Variants in CPO observed in about 807,000 individuals in gnomAD.
CPO encodes metallocarboxypeptidase C.
CPO carries 43 observed loss-of-function variants against 41.2 expected under a neutral mutation model. The ratio of observed to expected loss-of-function variants is 1.04; its 90% CI spans 0.82 to 1.35. The LOEUF is 1.35. Ranked by LOEUF, CPO falls within the 40% of genes most tolerant of loss-of-function variation. CPO has a pLI of 0.00. For synonymous variants in CPO, 178 were observed against 162.7 expected, an observed-to-expected ratio of 1.09 and a Z score of -0.72; for missense variants, 408 against 451.7, an observed-to-expected ratio of 0.90 and a Z score of 0.88.
At chr2:206,961,497 C>G (rs555885634) in intron 6 of CPO, among the ~76,000 whole-genome samples, 1 of 152,000 alleles carries the variant, frequency 6.6e-6, no homozygotes, top group Admixed American at 6.6e-5. Context: ...TTTTCTTTTA[C>G]GTAAAATGTG....
intron 1 of CPO, among the ~76,000 whole-genome samples, chr2:206,944,803 G>A (rs1559068819): frequency 6.6e-6 from 1 of 151,924 alleles, no homozygotes; most frequent in South Asian, 2.1e-4. Context: ...TTCCATTCGA[G>A]TAGCTTAATG....
chr2:206,965,472 TAGAC>T (rs952782701), intron 7 of CPO, among the ~76,000 whole-genome samples: 2 of 152,348 alleles, frequency 1.3e-5, no homozygotes, highest in Non-Finnish European at 1.5e-5. Context: ...TACTACATGA[TAGAC>T]AGCTTGGCAA....
chr2:206,956,664 C>T (rs1374240732), intron 3 of CPO, among the ~76,000 whole-genome samples: 1 of 152,178 alleles, frequency 6.6e-6, no homozygotes, highest in African/African-American at 2.4e-5. Flanking sequence ...CTAGGTGATG[C>T]TGATACCACT....
chr2:206,943,822 T>C (rs551198885), intron 1 of CPO, among the ~76,000 whole-genome samples: 1 of 150,910 alleles, frequency 6.6e-6, no homozygotes, highest in Non-Finnish European at 1.5e-5. Flanking sequence ...ATATCAGGTT[T>C]TTAGAACAGT....
chr2:206,963,382 T>C (rs968043633), intron 7 of CPO, among the ~76,000 whole-genome samples: 2 of 152,246 alleles, frequency 1.3e-5, no homozygotes, highest in Non-Finnish European at 2.9e-5. Context: ...TTTACTATCT[T>C]AACCATTGTT....
chr2:206,952,888 G>A (rs1196874569), intron 2 of CPO, among the ~76,000 whole-genome samples: 1 of 152,160 alleles, frequency 6.6e-6, no homozygotes, highest in African/African-American at 2.4e-5. Context: ...ATGTGAAGGA[G>A]GAGCAAAGGT....
intron 1 of CPO, among the ~76,000 whole-genome samples, chr2:206,946,786 A>C (rs146540457): frequency 6.6e-6 from 1 of 152,312 alleles, no homozygotes; most frequent in Non-Finnish European, 1.5e-5. Flanking sequence ...TTAATATTAG[A>C]AAGTCAATTG....
chr2:206,965,819 A>T (rs574277850), intron 7 of CPO, among the ~76,000 whole-genome samples: 2 of 152,252 alleles, frequency 1.3e-5, no homozygotes, highest in East Asian at 3.9e-4. Context: ...ATTAGGAAGT[A>T]CCTATAAGCT....
intron 3 of CPO, among the ~76,000 whole-genome samples, chr2:206,957,076 G>A (rs766097661): frequency 2.0e-5 from 3 of 152,090 alleles, no homozygotes; most frequent in Non-Finnish European, 4.4e-5. Context: ...CTCATAAAAA[G>A]GCTAATTATA....
intron 1 of CPO, among the ~76,000 whole-genome samples, chr2:206,945,725 A>G (rs956018639): frequency 6.6e-6 from 1 of 152,218 alleles, no homozygotes; most frequent in Non-Finnish European, 1.5e-5. Flanking sequence ...TTGTTAAAAA[A>G]TAAAGCATAA....
chr2:206,939,593 T>G lies in CPO; in HGVS notation c.-7T>G. On this transcript the variant is annotated 5_prime_UTR_variant, in exon 1 of 9. Transcript: ENST00000272852. ...GCCCAGAATTTTCTAACTTACTGTG[T>G]GGCAGAATGAAGCCTCTGCTTGAAA... 6.2e-7 allele frequency: 1 copy of G among 1,610,388 alleles called. No homozygotes were observed. Among genetic ancestry groups the G allele is most frequent in the Non-Finnish European group, 8.5e-7 (1 of 1,177,262 alleles).
intron 2 of CPO, among the ~76,000 whole-genome samples, chr2:206,952,994 C>T (rs1217354278): frequency 6.6e-6 from 1 of 152,124 alleles, no homozygotes; most frequent in South Asian, 2.1e-4. Context: ...ATCACGAGAA[C>T]AGCTCAGGAA....
At chr2:206,955,935 TA>T (rs964911088) in intron 3 of CPO, among the ~76,000 whole-genome samples, 6 of 152,096 alleles carry the variant, frequency 3.9e-5, no homozygotes, top group Non-Finnish European at 7.4e-5. Flanking sequence ...TGTTCTTTTT[TA>T]AAAAAAGAAA....
At chr2:206,953,184 C>G (rs1693297429) in intron 2 of CPO, among the ~76,000 whole-genome samples, 1 of 152,164 alleles carries the variant, frequency 6.6e-6, no homozygotes, top group Non-Finnish European at 1.5e-5. Context: ...TCATGCCTTC[C>G]CAACAGTCCC....
chr2:206,957,272 A>C (rs1693385640), intron 3 of CPO, among the ~76,000 whole-genome samples: 2 of 151,906 alleles, frequency 1.3e-5, no homozygotes. Context: ...GCTACTTGGG[A>C]GGCTGAGGCA....
At position 206,959,692 on chromosome 2, in the gene CPO, A is replaced by T; in HGVS notation, c.434A>T (p.Tyr145Phe). 1 of 1,582,548 alleles carries T rather than the reference A, an allele frequency of 6.3e-7. No individual in the cohort carries two copies. The highest frequency in any genetic ancestry group is 1.1e-5 in the South Asian group (1 of 90,468). Residue 145 changes from tyrosine to phenylalanine, a missense_variant, in exon 5 of 9, where the codon TAT becomes TTT. Physicochemically the swap from Tyr to Phe is conservative, Grantham distance 22 (BLOSUM62 3). Transcript: ENST00000272852. ...IRKLLRNLDF[Y>F]VLPVLNIDGY... ...AAGCTCCTTAGGAACCTGGACTTCT[A>T]TGTCCTTCCAGTTCTTAACATAGAT... is the stretch of plus-strand genomic sequence containing the variant.
At chr2:206,956,102 C>A (rs1394296694) in intron 3 of CPO, among the ~76,000 whole-genome samples, 1 of 152,140 alleles carries the variant, frequency 6.6e-6, no homozygotes, top group Non-Finnish European at 1.5e-5. Flanking sequence ...TCTCCTACCC[C>A]TTTTGCATGC....
At chr2:206,946,351 G>A (rs1053528704) in intron 1 of CPO, among the ~76,000 whole-genome samples, 73 of 152,118 alleles carry the variant, frequency 4.8e-4, no homozygotes, top group Admixed American at 7.9e-4. Context: ...AGTACTATCT[G>A]TTCTACCCAC....
At chr2:206,940,412 G>A (rs539410278) in intron 1 of CPO, among the ~76,000 whole-genome samples, 1 of 152,150 alleles carries the variant, frequency 6.6e-6, no homozygotes, top group African/African-American at 2.4e-5. Flanking sequence ...CAATAACAGT[G>A]TATGAAAGCA....
Sources: gnomAD v4.1 joint callset for allele counts (sites outside exome capture counted in the v4.1 genomes callset) on GRCh38, gnomAD v4.1.1 for gene constraint, MANE v1.5 for transcripts, NCBI Gene and HGNC (gene_info 2026-07-23, HGNC 2026-07-21) for gene names.